Variants in ANO7 observed in about 807,000 individuals in gnomAD.
ANO7 encodes the protein anoctamin-7.
A neutral mutation model predicts 115.8 loss-of-function variants in ANO7; 114 were observed. The observed-to-expected ratio is 0.98, with a 90% confidence interval of 0.85 to 1.15. The LOEUF is 1.15. ANO7 is among the 50% of genes most tolerant of loss of function. ANO7 has a pLI of 0.00. For synonymous variants in ANO7, 550 were observed against 498.2 expected (o/e 1.10, Z -1.38); for missense variants, 1,302 against 1,201.2 (o/e 1.08, Z -1.24).
chr2:241,198,819 CAT>C (rs1429584675), intron 4 of ANO7, among the ~76,000 whole-genome samples: 1 of 152,230 alleles, frequency 6.6e-6, no homozygotes, highest in Non-Finnish European at 1.5e-5. Context: ...TGTTGGCACA[CAT>C]GTGCACATGT....
At chr2:241,236,398 G>A in the ANO7 span, 8 of 582,330 alleles carry the variant, frequency 1.4e-5, no homozygotes, top group Non-Finnish European at 2.4e-5. Context: ...CCAGAAAGGG[G>A]CTATAGAACC....
rs990413152 is a variant in ANO7, at chr2:241,224,228, T to C, written c.*75T>C. Reference sequence around the variant, plus strand: ...CCTGCGAGCAGCGTCCTTTTCCTCTTCCCTCAGGCAGCGGCTGTGTGAACC... The same window carrying C: ...CCTGCGAGCAGCGTCCTTTTCCTCTCCCCTCAGGCAGCGGCTGTGTGAACC... On this transcript the variant is annotated 3_prime_UTR_variant, in exon 25 of 25. Transcript: ENST00000674324. 1.2e-4 allele frequency: 181 copies of C among 1,529,810 alleles called. No individual in the cohort carries two copies. The highest frequency in any genetic ancestry group is 1.6e-4 in the Non-Finnish European group (178 of 1,111,918). 94.8% of individuals were successfully genotyped at this position (1,529,810 alleles called of 1,614,324 possible).
chr2:241,198,948 G>C, intron 4 of ANO7: 1 of 314,416 alleles, frequency 3.2e-6, no homozygotes, highest in Non-Finnish European at 6.2e-6. Flanking sequence ...GTTCGATGTT[G>C]AAAACCAAAA....
rs199826604 is a variant in ANO7 at position 241,216,131 on chromosome 2, C to T, written c.1865C>T (p.Ser622Phe). The T allele has an allele frequency of 4.1e-5, 66 of 1,613,032 alleles. No homozygotes were observed. Among genetic ancestry groups the T allele is most frequent in the Non-Finnish European group, 5.2e-5 (61 of 1,179,780 alleles). Residue 622 changes from serine (S) to phenylalanine (F), a missense_variant, in exon 19 of 25, where the codon TCC (serine) becomes TTC (phenylalanine). Coordinates refer to ENST00000674324, the MANE Select transcript of ANO7 (RefSeq NM_001370694.2). The stretch of plus-strand genomic sequence containing the variant: ...TGGTGGCAGAAGTTCCGGCTTCGCT[C>T]CAAGAAGAGGAAGGCGGGAGCTTCT... ...KGWWQKFRLR[S>F]KKRKAGASAG...
chr2:241,209,565 A>G lies in ANO7; in HGVS notation c.1289A>G (p.Asp430Gly), dbSNP rs770079447. 3 of 1,602,220 alleles carry G rather than the reference A, an allele frequency of 1.9e-6. No individual in the cohort carries two copies. The highest frequency in any genetic ancestry group is 2.6e-6 in the Non-Finnish European group (3 of 1,175,318). Residue 430 changes from aspartate to glycine, a missense_variant, in exon 13 of 25, where the codon GAC (aspartate) becomes GGC (glycine). By Grantham distance (94) the Asp-to-Gly change is moderately conservative. Transcript: ENST00000674324. ...MTAPNPITGEDEPYFPERSRA... is the reference protein window; with the variant it reads ...MTAPNPITGEGEPYFPERSRA... ...GCCCCGAACCCCATCACGGGTGAGG[A>G]CGAGCCCTACTTCCCTGAGAGGAGC...
At chr2:241,215,829 A>G (rs1390649244) in intron 18 of ANO7, among the ~76,000 whole-genome samples, 1 of 152,126 alleles carries the variant, frequency 6.6e-6, no homozygotes, top group Non-Finnish European at 1.5e-5. Flanking sequence ...TTACCCCTAA[A>G]GCCTTAAGGA....
chr2:241,239,010 G>A, the ANO7 span, among the ~76,000 whole-genome samples: 4 of 152,186 alleles, frequency 2.6e-5, no homozygotes, highest in Admixed American at 6.5e-5. The surrounding 1 kb of genome is among the most constrained non-coding windows in gnomAD (Gnocchi z 4.6). Flanking sequence ...AGAAGGCCAG[G>A]TGCCATCCCT....
intron 3 of ANO7, among the ~76,000 whole-genome samples, chr2:241,193,305 G>C (rs907705153): frequency 6.6e-6 from 1 of 152,056 alleles, no homozygotes; most frequent in African/African-American, 2.4e-5. Flanking sequence ...CCTGACCTCA[G>C]GTGATCCGCC....
At chr2:241,198,952 A>G (rs1218411545) in intron 4 of ANO7, 1 of 314,820 alleles carries the variant, frequency 3.2e-6, no homozygotes, top group African/African-American at 2.1e-5. Flanking sequence ...GATGTTGAAA[A>G]CCAAAAGCTG....
At chr2:241,196,654 G>A (rs750724027) in intron 4 of ANO7, among the ~76,000 whole-genome samples, 33 of 152,328 alleles carry the variant, frequency 2.2e-4, no homozygotes, top group Non-Finnish European at 4.1e-4. Context: ...AATCTCATGC[G>A]GGGTCATTCC....
intron 19 of ANO7, 126 bp from the exon 20 acceptor site, chr2:241,217,560 G>A: frequency 9.1e-7 from 1 of 1,096,642 alleles, no homozygotes; most frequent in Middle Eastern, 2.8e-4. Flanking sequence ...ACCAGGAGGT[G>A]GGGGCGGAAT....
chr2:241,189,203 G>A (rs1574749233), intron 1 of ANO7, among the ~76,000 whole-genome samples: 2 of 152,206 alleles, frequency 1.3e-5, no homozygotes, highest in African/African-American at 2.4e-5. Context: ...CCGGGGCCGA[G>A]TCCTAACACT....
Position 241,225,730 on chromosome 2 carries a change from G to A in ANO7, c.*1577G>A, listed in dbSNP as rs1430621691. Among the ~76,000 whole-genome samples the A allele has an allele frequency of 6.6e-6, 1 of 152,184 alleles. No homozygotes were observed. Among genetic ancestry groups the A allele is most frequent in the East Asian group, 1.9e-4 (1 of 5,166 alleles). ...TGTTCACCTGCCTCTTAGGAGCACT[G>A]TGCCCTGCCTCCATGGAAGGGCTCT... is the stretch of plus-strand genomic sequence containing the variant. On this transcript the variant is annotated 3_prime_UTR_variant, in exon 25 of 25. Coordinates refer to ENST00000674324, the MANE Select transcript of ANO7 (RefSeq NM_001370694.2).
Position 241,218,394 on chromosome 2 carries a change from C to A in ANO7, c.2321+13C>A. The A allele has an allele frequency of 7.4e-7, 1 of 1,352,156 alleles. No homozygotes were observed. Among genetic ancestry groups the A allele is most frequent in the Non-Finnish European group, 9.6e-7 (1 of 1,045,728 alleles). 83.8% of individuals were successfully genotyped at this position (1,352,156 alleles called of 1,614,324 possible). On this transcript the variant is annotated intron_variant, in intron 21 of 24. Coordinates refer to ENST00000674324, the MANE Select transcript of ANO7 (RefSeq NM_001370694.2). ...ACCGCACGTGCAGGTGAGCCCCGCG[C>A]CAGGTGGAGGGGGCCGCGGGCGCAC...
the ANO7 span, chr2:241,239,761 G>A: frequency 1.2e-6 from 2 of 1,614,050 alleles, no homozygotes; most frequent in African/African-American, 2.7e-5. This position sits in a 1 kb window ranked among gnomAD's most constrained non-coding sequence, Gnocchi z 4.6. Flanking sequence ...GGCCTCTGCG[G>A]ATGACGAAGT....
intron 8 of ANO7, among the ~76,000 whole-genome samples, chr2:241,202,774 C>T (rs1574770578): frequency 6.6e-6 from 1 of 152,236 alleles, no homozygotes; most frequent in South Asian, 2.1e-4. Flanking sequence ...TTCCCCCACC[C>T]GCCCAAGCCT....
In ANO7 at chr2:241,225,580, G is replaced by C. The variant is rs1363187620; in HGVS notation, c.*1427G>C. Among the ~76,000 whole-genome samples, 6 of 152,170 alleles carry C rather than the reference G, an allele frequency of 3.9e-5. No homozygotes were observed. Among genetic ancestry groups the C allele is most frequent in the Non-Finnish European group, 8.8e-5 (6 of 68,036 alleles). On this transcript the variant is annotated 3_prime_UTR_variant, in exon 25 of 25. Transcript: ENST00000674324. ...GTTTTAATGTGCTTTGATGAGTACT[G>C]CCAAACTTACTCCACAGAAAAGGCC... is the stretch of plus-strand genomic sequence containing the variant.
intron 5 of ANO7, 38 bp from the exon 6 acceptor site, chr2:241,200,051 T>A: frequency 6.2e-7 from 1 of 1,604,480 alleles, no homozygotes; most frequent in Non-Finnish European, 8.5e-7. Flanking sequence ...TTTGCCCTCC[T>A]CCCGGGAGTG....
rs976942372 is a variant in ANO7 at position 241,203,801 on chromosome 2, G to A, written c.889+303G>A. Among the ~76,000 whole-genome samples, 2 of 151,990 alleles carry A rather than the reference G, an allele frequency of 1.3e-5. No homozygotes were observed. The highest frequency in any genetic ancestry group is 2.9e-5 in the Non-Finnish European group (2 of 67,982). On this transcript the variant is annotated intron_variant, in intron 9 of 24. Transcript: ENST00000674324. The surrounding 1 kb of genome is among the most constrained non-coding windows in gnomAD (Gnocchi z 4.8). ...AATGTCACTGGCCCATGAGGCCCTG[G>A]GGCAACCCCAGGAACTTCCATCCTA...
Sources: allele counts gnomAD v4.1 joint callset (sites outside exome capture counted in the v4.1 genomes callset), GRCh38; gene constraint gnomAD v4.1.1; non-coding constraint Gnocchi (gnomAD v3.1); transcripts MANE v1.5; gene names NCBI Gene and HGNC (gene_info 2026-07-23, HGNC 2026-07-21).